DPRX: variants seen among roughly 807,000 people sequenced by gnomAD.
DPRX encodes the protein divergent-paired related homeobox, also known as divergent paired-related homeobox.
DPRX carries 11 observed loss-of-function variants against 8.4 expected under a neutral mutation model. The observed-to-expected ratio is 1.31, with a 90% CI of 0.82 to 2.17. DPRX has a LOEUF of 2.17. Among genes scored for constraint, DPRX ranks in the 30% most tolerant of loss-of-function variants. DPRX has a pLI of 0.00. For synonymous variants in DPRX, 72 were observed against 87.0 expected (o/e 0.83, Z 0.96); for missense variants, 211 against 236.7 (o/e 0.89, Z 0.71).
upstream of DPRX, among the ~76,000 whole-genome samples, chr19:53,627,910 T>C (rs1456434793): frequency 6.6e-6 from 1 of 151,630 alleles, no homozygotes; most frequent in Admixed American, 6.6e-5. Context: ...CGCTTGCCTG[T>C]AATCCCAGTT....
rs749077795 is a variant in DPRX at position 53,634,553 on chromosome 19, C to A, written c.51C>A (p.His17Gln). ...AAGGCAAGGACCAGATGCATTCACA[C>A]AGGAAACGAACCATGTTCACTAAGA... The change falls in exon 2 of 3, where the codon CAC becomes CAA. Residue 17 changes from histidine to glutamine, a missense_variant. Coordinates refer to ENST00000376650, the Ensembl canonical transcript of DPRX. 7 of 1,613,444 alleles carry A rather than the reference C, an allele frequency of 4.3e-6. No homozygotes were observed. The Admixed American group carries it at 5.0e-5, about 12-fold the overall frequency.
the DPRX span, among the ~76,000 whole-genome samples, chr19:53,610,479 A>G: frequency 0.024 from 3,642 of 152,262 alleles, 112 homozygotes; most frequent in East Asian, 0.14. Flanking sequence ...ATAAGAAAAA[A>G]GTTCCCTTCA....
At chr19:53,608,484 C>T in the DPRX span, 1 of 152,528 alleles carries the variant, frequency 6.6e-6, no homozygotes, top group Non-Finnish European at 1.5e-5. Flanking sequence ...TAAATAAACC[C>T]ACAGAGACAG....
the DPRX span, chr19:53,601,950 G>A: frequency 2.2e-6 from 1 of 447,954 alleles, no homozygotes; most frequent in East Asian, 7.0e-5. Context: ...GAGGCATGCA[G>A]AGTCCACTGA....
At chr19:53,620,637 T>A in the DPRX span, among the ~76,000 whole-genome samples, 33 of 152,104 alleles carry the variant, frequency 2.2e-4, 1 homozygote, top group African/African-American at 8.0e-4. Flanking sequence ...AGTGCTGGGA[T>A]TACAGGTGTG....
chr19:53,631,303 T>C (rs2091091714), upstream of DPRX, among the ~76,000 whole-genome samples: 1 of 149,714 alleles, frequency 6.7e-6, no homozygotes, highest in South Asian at 2.1e-4. Flanking sequence ...AATAAATAAA[T>C]AAATAAATAA....
At chr19:53,635,773 C>G (rs752827857) in intron 2 of DPRX, among the ~76,000 whole-genome samples, 2 of 152,152 alleles carry the variant, frequency 1.3e-5, no homozygotes, top group Admixed American at 6.6e-5. Flanking sequence ...TTTTTCTCAA[C>G]CATTTTAAAA....
At chr19:53,626,834 G>T in the DPRX span, among the ~76,000 whole-genome samples, 2 of 152,102 alleles carry the variant, frequency 1.3e-5, no homozygotes, top group Admixed American at 1.3e-4. Context: ...GAGTAGCTGG[G>T]ATTATAGGCG....
chr19:53,633,666 C>T (rs924647835), intron 1 of DPRX, among the ~76,000 whole-genome samples: 13 of 152,074 alleles, frequency 8.5e-5, no homozygotes, highest in Admixed American at 5.3e-4. Context: ...TGCACCATCA[C>T]GCCCAGCTAA....
At chr19:53,602,019 C>T in the DPRX span, 1 of 456,452 alleles carries the variant, frequency 2.2e-6, no homozygotes, top group South Asian at 1.5e-5. Context: ...AGGAGTGTTG[C>T]TCTGGGGCTG....
chr19:53,631,163 T>A (rs1417977476), upstream of DPRX, among the ~76,000 whole-genome samples: 1 of 149,710 alleles, frequency 6.7e-6, no homozygotes, highest in Non-Finnish European at 1.5e-5. Flanking sequence ...TGGTGGTGGG[T>A]GCCTGTAATC....
the DPRX span, among the ~76,000 whole-genome samples, chr19:53,611,201 C>T: frequency 2.6e-5 from 4 of 152,060 alleles, no homozygotes; most frequent in South Asian, 4.1e-4. Context: ...AGAGCCCAGC[C>T]ACAAAGTGAC....
chr19:53,627,515 C>A (rs2091076074), upstream of DPRX, among the ~76,000 whole-genome samples: 1 of 147,966 alleles, frequency 6.8e-6, no homozygotes, highest in South Asian at 2.1e-4. Context: ...TGGCTCACTG[C>A]AACCTCTGCC....
chr19:53,627,435 C>CTTTTTT (rs759332421), upstream of DPRX, among the ~76,000 whole-genome samples: 17 of 102,532 alleles, frequency 1.7e-4, 1 homozygote, highest in East Asian at 2.7e-4. Flanking sequence ...TTCTTTCTTT[C>CTTTTTT]TTTCTTTTTT....
At chr19:53,613,164 G>A in the DPRX span, among the ~76,000 whole-genome samples, 1 of 152,138 alleles carries the variant, frequency 6.6e-6, no homozygotes, top group Non-Finnish European at 1.5e-5. Context: ...TTCTGAAGCT[G>A]CTTCGGAAGC....
the DPRX span, chr19:53,608,356 G>C: frequency 6.6e-6 from 1 of 152,246 alleles, no homozygotes; most frequent in Non-Finnish European, 1.5e-5. Context: ...TGATGAAGCC[G>C]GAGAAGATGA....
In DPRX at chr19:53,636,719, A is replaced by G; in HGVS notation, c.307A>G (p.Asn103Asp). 1 of 1,614,118 alleles carries G rather than the reference A, an allele frequency of 6.2e-7. No individual in the cohort carries two copies. The stretch of plus-strand genomic sequence containing the variant: ...GGTCTCCACCAGTGTCGGCCTGAGA[A>G]ATGCAGACACACTACCCAGATTGCC... Residue 103 changes from asparagine to aspartate, a missense_variant, in exon 3 of 3, where the codon AAT (asparagine) becomes GAT (aspartate). Transcript: ENST00000376650.
At chr19:53,603,793 G>T in the DPRX span, among the ~76,000 whole-genome samples, 1 of 148,072 alleles carries the variant, frequency 6.8e-6, no homozygotes, top group South Asian at 2.1e-4. Flanking sequence ...ACCCAGGCTG[G>T]ATTGCAGTGG....
chr19:53,602,803 A>C, the DPRX span, among the ~76,000 whole-genome samples: 1 of 149,314 alleles, frequency 6.7e-6, no homozygotes, highest in Non-Finnish European at 1.5e-5. Flanking sequence ...GGCCTCCCAG[A>C]GTGCTGGGAT....
Sources: gnomAD v4.1 joint callset for allele counts (sites outside exome capture counted in the v4.1 genomes callset) on GRCh38, gnomAD v4.1.1 for gene constraint, MANE v1.5 for transcripts, NCBI Gene and HGNC (gene_info 2026-07-23, HGNC 2026-07-21) for gene names.